The following CYP2C18 variants were observed in gnomAD, a reference collection of about 807,000 sequenced individuals.
CYP2C18 encodes cytochrome P450 2C18.
CYP2C18 carries 38 observed loss-of-function variants against 41.3 expected under a neutral mutation model. The ratio of observed to expected loss-of-function variants is 0.92; its 90% confidence interval spans 0.71 to 1.21. The LOEUF (loss-of-function observed/expected upper bound fraction) is 1.21, where lower values mean the gene tolerates loss of function less well. Among genes scored for constraint, CYP2C18 ranks in the 50% most tolerant of loss-of-function variants. The probability of loss-of-function intolerance (pLI) is 0.00; values close to 1 mark genes in which losing one functional copy is unlikely to be tolerated. For missense variants in CYP2C18, 635 were observed against 591.4 expected (o/e 1.07, Z -0.77); for synonymous variants, 236 against 210.0 (o/e 1.12, Z -1.07).
At position 94,708,292 on chromosome 10, in the gene CYP2C18, C is replaced by T. The variant is rs559374582; in HGVS notation, c.819+1332C>T. On this transcript the variant is annotated intron_variant, in intron 5 of 8. Transcript: ENST00000285979. Reference sequence around the variant, plus strand: ...ACAAATTATTTGTACTCTCCACCTTCTCTACTGCTAGGTCAATTGTTCTGA... The same window carrying T: ...ACAAATTATTTGTACTCTCCACCTTTTCTACTGCTAGGTCAATTGTTCTGA... Among the ~76,000 whole-genome samples the T allele has an allele frequency of 3.9e-5, 6 of 152,276 alleles. No homozygotes were observed. The South Asian group carries it at 1.2e-3, about 32-fold the overall frequency.
intron 3 of CYP2C18, among the ~76,000 whole-genome samples, chr10:94,694,314 G>A (rs1197820007): frequency 1.3e-5 from 2 of 151,982 alleles, no homozygotes; most frequent in Non-Finnish European, 2.9e-5. Flanking sequence ...TTTATTTTAG[G>A]CAAACCAATC....
chr10:94,710,063 G>A (rs573002542), intron 5 of CYP2C18, among the ~76,000 whole-genome samples: 18 of 151,950 alleles, frequency 1.2e-4, no homozygotes, highest in South Asian at 4.2e-4. Context: ...TCTACCTCCC[G>A]GGCTCAGGTG....
intron 3 of CYP2C18, among the ~76,000 whole-genome samples, chr10:94,692,413 A>G (rs1847019801): frequency 6.1e-4 from 1 of 1,644 alleles, no homozygotes; most frequent in South Asian, 0.1. Flanking sequence ...CCAAAAACAC[A>G]TGAAAAATGC....
rs575087980 is a variant in CYP2C18 at position 94,694,958 on chromosome 10, T to C, written c.523T>C (p.Cys175Arg). The C allele has an allele frequency of 3.1e-6, 5 of 1,613,022 alleles. No individual in the cohort carries two copies. Among genetic ancestry groups the C allele is most frequent in the Non-Finnish European group, 4.2e-6 (5 of 1,179,886 alleles). Residue 175 changes from cysteine to arginine, a missense_variant, in exon 4 of 9, where the codon TGC becomes CGC. By Grantham distance (180) the Cys-to-Arg change is radical. Coordinates refer to ENST00000285979, the MANE Select transcript of CYP2C18 (RefSeq NM_000772.3). ...DPTFILGCAPCNVICSVIFHD... is the reference protein window; with the variant it reads ...DPTFILGCAPRNVICSVIFHD... Reference sequence around the variant, plus strand: ...CACTTTCATCCTGGGCTGTGCTCCCTGCAATGTGATCTGCTCTGTTATTTT... The same window carrying C: ...CACTTTCATCCTGGGCTGTGCTCCCCGCAATGTGATCTGCTCTGTTATTTT...
At chr10:94,695,249 C>T (rs1037068278) in intron 4 of CYP2C18, among the ~76,000 whole-genome samples, 172 bp downstream of exon 4, 18 of 152,182 alleles carry the variant, frequency 1.2e-4, no homozygotes, top group Admixed American at 2.0e-4. Context: ...CCCATTAACC[C>T]GTCATCTATA....
intron 7 of CYP2C18, 112 bp downstream of exon 7, chr10:94,724,645 G>A (rs1305092697): frequency 2.0e-5 from 21 of 1,069,352 alleles, no homozygotes; most frequent in Non-Finnish European, 2.9e-5. Flanking sequence ...ATTCATACGT[G>A]GGGCAGCTTT....
chr10:94,720,085 TA>T (rs1847622925), intron 5 of CYP2C18, among the ~76,000 whole-genome samples: 1 of 151,994 alleles, frequency 6.6e-6, no homozygotes, highest in South Asian at 2.1e-4. Flanking sequence ...GTGTTTTGAG[TA>T]AAAAGGAGAG....
chr10:94,716,674 A>G lies in CYP2C18; in HGVS notation c.820-3722A>G, dbSNP rs143182848. On this transcript the variant is annotated intron_variant, in intron 5 of 8. Transcript: ENST00000285979. ...TAAATTCTGTTGATTTGGGGTGGAG[A>G]GTTCTGTAGATGTCTATTAGATCTG... Among the ~76,000 whole-genome samples, 881 of 152,160 alleles carry G rather than the reference A, an allele frequency of 5.8e-3. 8 individuals are homozygous for G. Among genetic ancestry groups the G allele is most frequent in the African/African-American group, 0.02 (846 of 41,504 alleles).
At chr10:94,698,707 A>C (rs1438993496) in intron 4 of CYP2C18, among the ~76,000 whole-genome samples, 1 of 152,154 alleles carries the variant, frequency 6.6e-6, no homozygotes, top group African/African-American at 2.4e-5. Flanking sequence ...TTTTTTTAAA[A>C]GATCAACAAA....
intron 5 of CYP2C18, among the ~76,000 whole-genome samples, chr10:94,718,154 C>G (rs1287592907): frequency 6.6e-6 from 1 of 151,636 alleles, no homozygotes; most frequent in Non-Finnish European, 1.5e-5. Flanking sequence ...TTTTTGGTGA[C>G]TTTCACTTTT....
Position 94,716,695 on chromosome 10 carries a change from A to G in CYP2C18, c.820-3701A>G, listed in dbSNP as rs557655337. 1.3e-4 allele frequency among the ~76,000 whole-genome samples: 20 copies of G among 152,066 alleles called. 1 individual carries two copies. In the South Asian group the frequency reaches 2.7e-3, roughly 20 times the overall value. On this transcript the variant is annotated intron_variant, in intron 5 of 8. Transcript: ENST00000285979. ...GGAGAGTTCTGTAGATGTCTATTAG[A>G]TCTGCTTGGTGCAGAGCTGAGTTCA...
At position 94,735,272 on chromosome 10, in the gene CYP2C18, T is replaced by C; in HGVS notation, c.1301T>C (p.Met434Thr). The change falls in exon 9 of 9, where the codon ATG (methionine) becomes ACG (threonine). Residue 434 changes from methionine to threonine, a missense_variant. Physicochemically the swap from Met to Thr is moderately conservative, Grantham distance 81. Transcript: ENST00000285979. ...YFMPFSAGKR[M>T]CMGEGLARME... is the part of the protein sequence containing the mutation. ...TGTCTCTTATTTTCAGGAAAACGGA[T>C]GTGTATGGGAGAGGGCCTGGCCCGC... 1 of 1,613,330 alleles carries C rather than the reference T, an allele frequency of 6.2e-7. No individual in the cohort carries two copies. Among genetic ancestry groups the C allele is most frequent in the Non-Finnish European group, 8.5e-7 (1 of 1,179,530 alleles).
In CYP2C18 at chr10:94,716,356, G is replaced by A. The variant is rs183265381; in HGVS notation, c.820-4040G>A. Among the ~76,000 whole-genome samples, 515 of 152,238 alleles carry A rather than the reference G, an allele frequency of 3.4e-3. 3 individuals carry two copies. Among genetic ancestry groups the A allele is most frequent in the South Asian group, 7.9e-3 (38 of 4,830 alleles). ...TTTCCCTCTACACACTGCTTTAAAT[G>A]TGTCCCAGAGATTCTGGTATGTTGT... is the stretch of plus-strand genomic sequence containing the variant. On this transcript the variant is annotated intron_variant, in intron 5 of 8. Transcript: ENST00000285979.
intron 5 of CYP2C18, among the ~76,000 whole-genome samples, chr10:94,717,571 C>T (rs1847574434): frequency 6.6e-6 from 1 of 152,038 alleles, no homozygotes. Context: ...TCAATCTTGT[C>T]TTCTAGTAGT....
At chr10:94,686,312 A>G (rs934660529) in intron 1 of CYP2C18, among the ~76,000 whole-genome samples, 2 of 152,152 alleles carry the variant, frequency 1.3e-5, no homozygotes, top group Non-Finnish European at 2.9e-5. Flanking sequence ...TTTTCTACAT[A>G]TAAGATTATT....
At chr10:94,712,173 T>A (rs910805716) in intron 5 of CYP2C18, among the ~76,000 whole-genome samples, 41 of 150,030 alleles carry the variant, frequency 2.7e-4, no homozygotes, top group Non-Finnish European at 5.3e-4. Flanking sequence ...TTTTTTTTTT[T>A]ATTTAAGGTT....
chr10:94,723,451 G>A (rs544614831), intron 6 of CYP2C18, among the ~76,000 whole-genome samples: 1 of 152,264 alleles, frequency 6.6e-6, no homozygotes, highest in South Asian at 2.1e-4. Context: ...ATTAGTAAGA[G>A]TTTGAAACAT....
intron 7 of CYP2C18, among the ~76,000 whole-genome samples, chr10:94,732,978 GT>G (rs1447438914): frequency 6.6e-6 from 1 of 152,098 alleles, no homozygotes; most frequent in Non-Finnish European, 1.5e-5. Flanking sequence ...GAAAACTGAA[GT>G]GATGAAATAC....
At chr10:94,728,142 T>G (rs1162382500) in intron 7 of CYP2C18, among the ~76,000 whole-genome samples, 1 of 152,142 alleles carries the variant, frequency 6.6e-6, no homozygotes, top group African/African-American at 2.4e-5. Flanking sequence ...TTTTTTTAGT[T>G]TGTTTCACTT....
Sources: allele counts gnomAD v4.1 joint callset (sites outside exome capture counted in the v4.1 genomes callset), GRCh38; gene constraint gnomAD v4.1.1; transcripts MANE v1.5; gene names NCBI Gene and HGNC (gene_info 2026-07-23, HGNC 2026-07-21).